ETFDH: variants seen among roughly 807,000 people sequenced by gnomAD.
ETFDH encodes the protein electron transfer flavoprotein dehydrogenase.
Under a neutral mutation model 73.2 loss-of-function variants are expected in ETFDH, and 61 were observed. That is an observed-to-expected ratio of 0.83 (90% confidence interval 0.68 to 1.03). The LOEUF (loss-of-function observed/expected upper bound fraction) is 1.03, where lower values mean the gene tolerates loss of function less well. Ranked by LOEUF, ETFDH falls within the 50% of genes least tolerant of loss-of-function variation. The pLI is 0.00. For missense variants in ETFDH, 685 were observed against 745.0 expected (o/e 0.92, Z 0.94); for synonymous variants, 243 against 253.3 (o/e 0.96, Z 0.39).
chr4:158,687,588 T>G (rs1580402630), intron 5 of ETFDH, among the ~76,000 whole-genome samples: 1 of 152,326 alleles, frequency 6.6e-6, no homozygotes, highest in East Asian at 1.9e-4. Context: ...CTTTACAAAG[T>G]GGCACCCAGA....
At chr4:158,683,775 T>A (rs963007899) in intron 3 of ETFDH, among the ~76,000 whole-genome samples, 2 of 152,002 alleles carry the variant, frequency 1.3e-5, no homozygotes, top group Non-Finnish European at 2.9e-5. Context: ...ACAGACAGGA[T>A]TTTTGCCATG....
At chr4:158,705,892 G>A (rs1174495382) in intron 10 of ETFDH, among the ~76,000 whole-genome samples, 1 of 152,186 alleles carries the variant, frequency 6.6e-6, no homozygotes, top group African/African-American at 2.4e-5. Context: ...ACCAGCCTGG[G>A]CAACATGGCA....
chr4:158,706,802 A>G lies in ETFDH; in HGVS notation c.1642A>G (p.Arg548Gly), dbSNP rs746316300. The G allele has an allele frequency of 3.1e-6, 5 of 1,614,042 alleles. No homozygotes were observed. Among genetic ancestry groups the G allele is most frequent in the Non-Finnish European group, 3.4e-6 (4 of 1,179,866 alleles). Reference protein sequence around the residue: ...TLRDDSIPVNRNLSIYDGPEQ... With the variant: ...TLRDDSIPVNGNLSIYDGPEQ... ...AAGGGATGACAGTATACCTGTAAAT[A>G]GAAATCTGTCGATATATGATGGGCC... Residue 548 changes from arginine (R) to glycine (G), a missense_variant, in exon 12 of 13, where the codon AGA becomes GGA. This residue lies in a region of ETFDH where 201 missense variants were observed against 225.2 expected (regional missense o/e 0.89). Transcript: ENST00000511912.
In ETFDH at chr4:158,708,346, T is replaced by C; in HGVS notation, c.1691-18T>C. 6.3e-7 allele frequency: 1 copy of C among 1,597,996 alleles called. No individual in the cohort carries two copies. The highest frequency in any genetic ancestry group is 8.6e-7 in the Non-Finnish European group (1 of 1,166,636). ...TTTAAAGTTAGGCACTTCAATATTA[T>C]TTATTTTTACTTTTCAGGAGTTTAT... is the stretch of plus-strand genomic sequence containing the variant. On this transcript the variant is annotated intron_variant, in intron 12 of 12. Transcript: ENST00000511912.
At chr4:158,678,653 CT>C (rs11438999) in intron 1 of ETFDH, among the ~76,000 whole-genome samples, 81 of 140,266 alleles carry the variant, frequency 5.8e-4, no homozygotes, top group Admixed American at 6.4e-4. Context: ...ATATCACCAT[CT>C]TTTTTTTTTT....
rs958759984 is a variant in ETFDH, at chr4:158,680,338, T to G, written c.35-129T>G. On this transcript the variant is annotated intron_variant, in intron 1 of 12. Transcript: ENST00000511912. ...CTTTATGAGAAAAAGCTATTCAAAGTGTTCACCTAGGAAAGATTATAGTAT... is the reference window on the plus strand; with the variant it reads ...CTTTATGAGAAAAAGCTATTCAAAGGGTTCACCTAGGAAAGATTATAGTAT... 7 of 634,636 alleles carry G rather than the reference T, an allele frequency of 1.1e-5. No individual in the cohort carries two copies. In the Admixed American group the frequency reaches 2.0e-4, roughly 18 times the overall value. 39.3% of individuals were successfully genotyped at this position (634,636 alleles called of 1,614,324 possible). A position where few individuals can be genotyped will look rare whatever the true frequency, so the allele number is the denominator to read the frequency against.
In ETFDH at chr4:158,706,383, A is replaced by G; in HGVS notation, c.1468+12A>G. 2 of 1,596,034 alleles carry G rather than the reference A, an allele frequency of 1.3e-6. No individual in the cohort carries two copies. The highest frequency in any genetic ancestry group is 2.2e-5 in the East Asian group (1 of 44,778). On this transcript the variant is annotated intron_variant, in intron 11 of 12. Transcript: ENST00000511912. ...TCTGAAACATAAAGGTAATTCAAAC[A>G]AGAGTATGAGTGACATGATCATTAA...
intron 3 of ETFDH, among the ~76,000 whole-genome samples, chr4:158,682,856 T>C (rs979219593): frequency 6.6e-6 from 1 of 152,140 alleles, no homozygotes; most frequent in Non-Finnish European, 1.5e-5. Context: ...AAGGGAATAA[T>C]TATATACTTT....
chr4:158,689,531 A>G (rs531725688), intron 5 of ETFDH, among the ~76,000 whole-genome samples: 157 of 141,436 alleles, frequency 1.1e-3, no homozygotes, highest in African/African-American at 3.8e-3. Context: ...GCCAAACTTC[A>G]GTTTAGTCTG....
At chr4:158,702,502 C>T (rs1184909653) in intron 9 of ETFDH, among the ~76,000 whole-genome samples, 3 of 152,010 alleles carry the variant, frequency 2.0e-5, no homozygotes. Flanking sequence ...CTCTAGTAGC[C>T]ACTGTTCTAC....
Position 158,682,366 on chromosome 4 carries a change from G to GTT in ETFDH, c.347_348insTT (p.Ala117TrpfsTer27). On this transcript the variant is annotated frameshift_variant, in exon 3 of 13. Transcript: ENST00000511912. LOFTEE classifies it high-confidence loss of function. ...CAGATAGGAGCTCATACTCTCTCAG[G>GTT]GGCTTGCCTTGATCCAGGTGCTTTT... 1 of 1,614,128 alleles carries GTT rather than the reference G, an allele frequency of 6.2e-7. No individual in the cohort carries two copies. Among genetic ancestry groups the GTT allele is most frequent in the Non-Finnish European group, 8.5e-7 (1 of 1,180,016 alleles).
intron 1 of ETFDH, among the ~76,000 whole-genome samples, chr4:158,677,909 G>A (rs1773749485): frequency 6.6e-6 from 1 of 152,102 alleles, no homozygotes; most frequent in Admixed American, 6.5e-5. Context: ...GTTTACACAA[G>A]GTCACAAAGA....
intron 5 of ETFDH, among the ~76,000 whole-genome samples, chr4:158,689,636 A>ATATATATATATATAT (rs765147554): frequency 1.3e-4 from 8 of 63,662 alleles, no homozygotes; most frequent in East Asian, 5.1e-4. Flanking sequence ...ATATATATAT[A>ATATATATATATATAT]TTGTGGGGGG....
At chr4:158,691,713 A>T (rs1469348747) in intron 6 of ETFDH, among the ~76,000 whole-genome samples, 1 of 152,134 alleles carries the variant, frequency 6.6e-6, no homozygotes, top group East Asian at 1.9e-4. Context: ...CAAAATATAA[A>T]CCTGGATAAT....
chr4:158,702,969 C>T (rs1158921877), intron 9 of ETFDH, among the ~76,000 whole-genome samples: 1 of 152,136 alleles, frequency 6.6e-6, no homozygotes, highest in Non-Finnish European at 1.5e-5. Context: ...CCCACATCCT[C>T]ACCAGTAAGT....
At position 158,709,019 on chromosome 4, in the gene ETFDH, T is replaced by TTGTG. The variant is rs55861035; in HGVS notation, c.*528_*531dup. 5,189 of 150,542 alleles carry TTGTG rather than the reference T, an allele frequency of 0.034. 205 individuals are homozygous for TTGTG. The highest frequency in any genetic ancestry group is 0.096 in the African/African-American group (3,627 of 37,818). The allele number at this position is 150,542 out of a possible 1,614,324, so 9.3% of individuals were successfully genotyped here. Reference sequence around the variant, plus strand: ...GAAGTATGCCCATCCCTGAACAAGTTTGTGTGTGTGTGTGTGTGTGTGTGT... The same window carrying TTGTG: ...GAAGTATGCCCATCCCTGAACAAGTTTGTGTGTGTGTGTGTGTGTGTGTGTGTGT... On this transcript the variant is annotated 3_prime_UTR_variant, in exon 13 of 13. Coordinates refer to ENST00000511912, the MANE Select transcript of ETFDH (RefSeq NM_004453.4).
At chr4:158,673,231 A>AG (rs1220572131) in intron 1 of ETFDH, among the ~76,000 whole-genome samples, 12 of 152,314 alleles carry the variant, frequency 7.9e-5, no homozygotes. Flanking sequence ...TTGAACCCGG[A>AG]GGTGGAGGTT....
chr4:158,676,561 T>G (rs1312158798), intron 1 of ETFDH, among the ~76,000 whole-genome samples: 1 of 152,206 alleles, frequency 6.6e-6, no homozygotes, highest in Non-Finnish European at 1.5e-5. Flanking sequence ...GTGATTGTCT[T>G]TGTTTCAAAA....
chr4:158,703,571 A>C lies in ETFDH; in HGVS notation c.1265A>C (p.Asn422Thr). The C allele has an allele frequency of 6.2e-7, 1 of 1,606,250 alleles. No individual in the cohort carries two copies. The highest frequency in any genetic ancestry group is 2.2e-5 in the East Asian group (1 of 44,770). ...ATTTTTAATCAACTAACTAGTGAAA[A>C]TCTCCAATCAAAGACAATAGGTAAG... Reference protein sequence around the residue: ...ESIFNQLTSENLQSKTIGLHV... With the variant: ...ESIFNQLTSETLQSKTIGLHV... The change falls in exon 10 of 13, where the codon AAT (asparagine) becomes ACT (threonine). Residue 422 changes from asparagine to threonine, a missense_variant. Coordinates refer to ENST00000511912, the MANE Select transcript of ETFDH (RefSeq NM_004453.4).
Sources: gnomAD v4.1 joint callset for allele counts (sites outside exome capture counted in the v4.1 genomes callset) on GRCh38, gnomAD v4.1.1 for gene constraint, gnomAD v4.1.1 regional missense constraint, MANE v1.5 for transcripts, NCBI Gene and HGNC (gene_info 2026-07-23, HGNC 2026-07-21) for gene names.